TMEM117: variants seen among roughly 807,000 people sequenced by gnomAD.
The protein encoded by TMEM117 is transmembrane protein 117.
A neutral mutation model predicts 52.4 loss-of-function variants in TMEM117; 27 were observed. That is an observed-to-expected ratio of 0.51 (90% CI 0.38 to 0.71). TMEM117 has a LOEUF of 0.71. Among genes scored for constraint, TMEM117 ranks in the 30% least tolerant of loss-of-function variants. TMEM117 has a pLI of 0.00. For synonymous variants in TMEM117, 215 were observed against 206.3 expected, an observed-to-expected ratio of 1.04 and a Z score of -0.36; for missense variants, 556 against 630.5, an observed-to-expected ratio of 0.88 and a Z score of 1.26.
intron 3 of TMEM117, among the ~76,000 whole-genome samples, chr12:43,959,679 C>T (rs1340848967): frequency 6.6e-6 from 1 of 152,010 alleles, no homozygotes; most frequent in Admixed American, 6.5e-5. Context: ...CGGTAGCTTC[C>T]TTCCAAGGAA....
At chr12:43,911,459 C>G (rs1944499509) in intron 2 of TMEM117, among the ~76,000 whole-genome samples, 1 of 117,862 alleles carries the variant, frequency 8.5e-6, no homozygotes, top group African/African-American at 2.8e-5. Flanking sequence ...GTCTAAAACA[C>G]CAAAAGCAAT....
At chr12:44,191,128 G>A (rs1245053590) in intron 4 of TMEM117, among the ~76,000 whole-genome samples, 2 of 152,042 alleles carry the variant, frequency 1.3e-5, no homozygotes, top group South Asian at 2.1e-4. Flanking sequence ...CCTTCTTCAC[G>A]TGATGGCAGG....
At chr12:44,235,301 A>T (rs150512722) in intron 5 of TMEM117, among the ~76,000 whole-genome samples, 6 of 151,228 alleles carry the variant, frequency 4.0e-5, no homozygotes, top group East Asian at 3.9e-4. Context: ...ACTTTCAATC[A>T]TTTAGGATAT....
chr12:43,946,701 C>T (rs1208819448), intron 3 of TMEM117, among the ~76,000 whole-genome samples: 2 of 152,054 alleles, frequency 1.3e-5, no homozygotes, highest in African/African-American at 4.8e-5. Flanking sequence ...AACACAGGTC[C>T]GATTGATGGT....
chr12:43,921,366 T>A (rs1944690899), intron 2 of TMEM117, among the ~76,000 whole-genome samples: 1 of 152,198 alleles, frequency 6.6e-6, no homozygotes. Context: ...TACATTTTTT[T>A]AGTTAGTATC....
intron 3 of TMEM117, among the ~76,000 whole-genome samples, chr12:44,029,799 A>G (rs576320935): frequency 3.9e-5 from 6 of 152,346 alleles, no homozygotes; most frequent in Admixed American, 2.0e-4. Flanking sequence ...GACACCTGTA[A>G]GCCCACTTTT....
chr12:43,849,569 G>A (rs1056347845), intron 2 of TMEM117, among the ~76,000 whole-genome samples: 1 of 151,788 alleles, frequency 6.6e-6, no homozygotes, highest in Non-Finnish European at 1.5e-5. Context: ...AAGCACTTTC[G>A]ATTTCAAGTG....
downstream of TMEM117, among the ~76,000 whole-genome samples, chr12:44,390,256 AG>A (rs1952154504): frequency 6.6e-6 from 1 of 151,744 alleles, no homozygotes; most frequent in Admixed American, 6.6e-5. Flanking sequence ...AGCTCACTAT[AG>A]TAACCCATTG....
At position 44,388,569 on chromosome 12, in the gene TMEM117, C is replaced by A; in HGVS notation, c.1442C>A (p.Ser481Tyr). ...TTCAATGAGATCGTCTACAAGTCTTCCCACCTAACCTCGGAAAACTTGAGC... is the reference window on the plus strand; with the variant it reads ...TTCAATGAGATCGTCTACAAGTCTTACCACCTAACCTCGGAAAACTTGAGC... Reference protein sequence around the residue: ...SDFNEIVYKSSHLTSENLSSQ... With the variant: ...SDFNEIVYKSYHLTSENLSSQ... The change falls in exon 8 of 8, where the codon TCC becomes TAC. Residue 481 changes from serine to tyrosine, a missense_variant. By Grantham distance (144) the Ser-to-Tyr change is moderately radical. Transcript: ENST00000266534. 1 of 1,613,498 alleles carries A rather than the reference C, an allele frequency of 6.2e-7. No homozygotes were observed. The highest frequency in any genetic ancestry group is 1.3e-5 in the African/African-American group (1 of 75,004).
At chr12:44,203,264 G>T (rs1949521268) in intron 4 of TMEM117, among the ~76,000 whole-genome samples, 1 of 152,152 alleles carries the variant, frequency 6.6e-6, no homozygotes, top group African/African-American at 2.4e-5. Context: ...GCTTACAGCA[G>T]TCTGTGAGGT....
At chr12:44,071,740 T>C (rs1811544423) in intron 3 of TMEM117, among the ~76,000 whole-genome samples, 1 of 152,192 alleles carries the variant, frequency 6.6e-6, no homozygotes, top group Non-Finnish European at 1.5e-5. Context: ...AGGACCTTAA[T>C]TTCACAGATA....
chr12:43,973,561 G>A (rs1204679082), intron 3 of TMEM117, among the ~76,000 whole-genome samples: 2 of 152,160 alleles, frequency 1.3e-5, no homozygotes, highest in African/African-American at 4.8e-5. Context: ...ACTTAACTGC[G>A]AGTGTACAAG....
At chr12:43,829,519 C>A in the TMEM117 span, among the ~76,000 whole-genome samples, 1 of 152,122 alleles carries the variant, frequency 6.6e-6, no homozygotes, top group African/African-American at 2.4e-5. Context: ...ATTCTGTTCC[C>A]CCAGATTAAG....
intron 3 of TMEM117, among the ~76,000 whole-genome samples, chr12:43,973,765 A>G (rs1341577426): frequency 6.6e-6 from 1 of 152,190 alleles, no homozygotes; most frequent in Non-Finnish European, 1.5e-5. Context: ...CCCAGATGTT[A>G]TAATTCTTTC....
intron 3 of TMEM117, among the ~76,000 whole-genome samples, chr12:44,115,728 T>G (rs1948130023): frequency 6.6e-6 from 1 of 152,198 alleles, no homozygotes; most frequent in Non-Finnish European, 1.5e-5. Flanking sequence ...AACTCATTCA[T>G]TTACTCTTTG....
chr12:44,356,889 A>G (rs767241039), intron 6 of TMEM117, among the ~76,000 whole-genome samples: 1 of 152,146 alleles, frequency 6.6e-6, no homozygotes, highest in Non-Finnish European at 1.5e-5. Context: ...TGTTATAGTC[A>G]TCTTCCTAAG....
intron 5 of TMEM117, among the ~76,000 whole-genome samples, chr12:44,252,493 G>C (rs1950207596): frequency 2.0e-5 from 3 of 152,144 alleles, no homozygotes; most frequent in Non-Finnish European, 4.4e-5. Flanking sequence ...CACAGAGTGA[G>C]ACTCTGTCTC....
At chr12:44,294,898 C>T (rs1414104698) in intron 5 of TMEM117, among the ~76,000 whole-genome samples, 3 of 152,064 alleles carry the variant, frequency 2.0e-5, no homozygotes, top group Admixed American at 6.5e-5. Flanking sequence ...TGGAATTTTC[C>T]GTATAGTATT....
chr12:43,966,296 A>G (rs1334801315), intron 3 of TMEM117, among the ~76,000 whole-genome samples: 3 of 152,182 alleles, frequency 2.0e-5, no homozygotes, highest in Non-Finnish European at 4.4e-5. Context: ...CCACTCTTTA[A>G]AATTCCTGAA....
Sources: gnomAD v4.1 joint callset for allele counts (sites outside exome capture counted in the v4.1 genomes callset) on GRCh38, gnomAD v4.1.1 for gene constraint, MANE v1.5 for transcripts, NCBI Gene and HGNC (gene_info 2026-07-23, HGNC 2026-07-21) for gene names.